The following AKT3 variants were observed in gnomAD, a reference collection of about 807,000 sequenced individuals.
AKT3 encodes RAC-gamma serine/threonine-protein kinase.
AKT3 carries 15 observed loss-of-function variants against 65.3 expected under a neutral mutation model. That is an observed-to-expected ratio of 0.23 (90% CI 0.15 to 0.35). The LOEUF is 0.35. Ranked by LOEUF, AKT3 falls within the 10% of genes least tolerant of loss-of-function variation. The pLI is 1.00. For synonymous variants in AKT3, 206 were observed against 183.8 expected (o/e 1.12, Z -0.98); for missense variants, 243 against 576.5 (o/e 0.42, Z 5.92).
chr1:243,783,939 T>C (rs1691079773), intron 2 of AKT3, among the ~76,000 whole-genome samples: 1 of 152,186 alleles, frequency 6.6e-6, no homozygotes, highest in Non-Finnish European at 1.5e-5. Context: ...AAAATACCTG[T>C]TGAATGCTAA....
At chr1:243,706,758 G>A (rs769520888) in intron 2 of AKT3, among the ~76,000 whole-genome samples, 6 of 152,152 alleles carry the variant, frequency 3.9e-5, no homozygotes, top group African/African-American at 1.4e-4. Context: ...CCTCAGCCAG[G>A]CACTGTGCTC....
chr1:243,550,472 A>T (rs577624468), intron 11 of AKT3, among the ~76,000 whole-genome samples: 4 of 151,224 alleles, frequency 2.6e-5, no homozygotes, highest in Non-Finnish European at 5.9e-5. Flanking sequence ...GCTGACAAAT[A>T]AAAAAAAATG....
At chr1:243,547,795 C>T (rs545631727) in intron 11 of AKT3, among the ~76,000 whole-genome samples, 16 of 152,146 alleles carry the variant, frequency 1.1e-4, no homozygotes, top group Non-Finnish European at 2.1e-4. Context: ...TCAACTGATA[C>T]CTGAATATCT....
rs1693251592 is a variant in AKT3 at position 243,812,820 on chromosome 1, C to T, written c.46+30305G>A. The stretch of plus-strand genomic sequence containing the variant: ...ATTAAGAAAATGTGGCATATATATA[C>T]CATGGAATACTATGCAGCCATAAAA... On this transcript the variant is annotated intron_variant, in intron 2 of 13. Transcript: ENST00000673466. 3.3e-5 allele frequency among the ~76,000 whole-genome samples: 5 copies of T among 152,108 alleles called. No individual in the cohort carries two copies. In the South Asian group the frequency reaches 8.3e-4, roughly 25 times the overall value.
chr1:243,535,190 T>A (rs1428890607), intron 12 of AKT3, among the ~76,000 whole-genome samples: 1 of 149,514 alleles, frequency 6.7e-6, no homozygotes, highest in Non-Finnish European at 1.5e-5. Flanking sequence ...AAAATAATTT[T>A]AAAATATATT....
intron 8 of AKT3, among the ~76,000 whole-genome samples, chr1:243,585,153 A>G (rs2148536070): frequency 6.6e-6 from 1 of 152,214 alleles, no homozygotes; most frequent in East Asian, 1.9e-4. Flanking sequence ...CACACACAAA[A>G]AAATCCAGGA....
chr1:243,649,418 CACAT>C (rs1175626725), intron 4 of AKT3, among the ~76,000 whole-genome samples: 2 of 151,196 alleles, frequency 1.3e-5, no homozygotes, highest in Admixed American at 6.6e-5. Context: ...TACACATACA[CACAT>C]ACATACACAC....
At chr1:243,665,259 T>C (rs1682685654) in intron 3 of AKT3, among the ~76,000 whole-genome samples, 1 of 152,194 alleles carries the variant, frequency 6.6e-6, no homozygotes, top group African/African-American at 2.4e-5. Flanking sequence ...TCAAATATTA[T>C]TCCTTCCATG....
chr1:243,514,937 T>C (rs1670253848), intron 12 of AKT3, among the ~76,000 whole-genome samples: 1 of 152,240 alleles, frequency 6.6e-6, no homozygotes, highest in African/African-American at 2.4e-5. Context: ...TCAAATGTCT[T>C]CTTGTGCCCA....
intron 2 of AKT3, among the ~76,000 whole-genome samples, chr1:243,804,863 C>G (rs897285009): frequency 6.0e-5 from 9 of 150,788 alleles, no homozygotes; most frequent in Admixed American, 4.0e-4. Flanking sequence ...AAAAAACAAA[C>G]AAAAAAGAAT....
At chr1:243,596,269 G>A (rs1240512512) in intron 8 of AKT3, among the ~76,000 whole-genome samples, 1 of 152,106 alleles carries the variant, frequency 6.6e-6, no homozygotes, top group Non-Finnish European at 1.5e-5. Flanking sequence ...AATTAAAAAC[G>A]TCTGTTCCTC....
At chr1:243,667,098 T>A (rs1273677593) in intron 3 of AKT3, among the ~76,000 whole-genome samples, 1 of 152,036 alleles carries the variant, frequency 6.6e-6, no homozygotes, top group African/African-American at 2.4e-5. Context: ...CTCCATTGAG[T>A]GTGTACTGCT....
At chr1:243,538,964 C>T (rs7523198) in intron 12 of AKT3, among the ~76,000 whole-genome samples, 126,597 of 152,126 alleles carry the variant, frequency 0.83, 52,833 homozygotes, top group Non-Finnish European at 0.86. Context: ...AGTCCACGAT[C>T]ATAGTTGACG....
At chr1:243,809,284 C>T (rs948957284) in intron 2 of AKT3, among the ~76,000 whole-genome samples, 8 of 152,076 alleles carry the variant, frequency 5.3e-5, no homozygotes, top group African/African-American at 1.2e-4. Context: ...ATTCAGGAAA[C>T]CCATCTCATG....
chr1:243,833,023 G>GAA (rs1694637418), intron 2 of AKT3, among the ~76,000 whole-genome samples: 2 of 152,098 alleles, frequency 1.3e-5, no homozygotes, highest in Admixed American at 1.3e-4. Context: ...ACTTTGGGAG[G>GAA]CTGAGATGGC....
intron 4 of AKT3, among the ~76,000 whole-genome samples, chr1:243,661,476 T>C (rs1408192117): frequency 6.9e-4 from 104 of 150,812 alleles, no homozygotes; most frequent in East Asian, 3.9e-4. Context: ...ATTTAATAAA[T>C]GGTGCTGGGA....
At chr1:243,690,004 T>C (rs1235318212) in intron 3 of AKT3, among the ~76,000 whole-genome samples, 1 of 151,860 alleles carries the variant, frequency 6.6e-6, no homozygotes, top group Non-Finnish European at 1.5e-5. Context: ...TCTTTTAAAA[T>C]TGTGCTTATA....
intron 3 of AKT3, among the ~76,000 whole-genome samples, chr1:243,676,790 CT>C (rs1349235716): frequency 1.3e-5 from 2 of 152,078 alleles, no homozygotes. Flanking sequence ...TGGAATCATC[CT>C]TTTTTTGTCC....
intron 2 of AKT3, among the ~76,000 whole-genome samples, chr1:243,740,250 G>A (rs981481443): frequency 1.3e-5 from 2 of 152,166 alleles, no homozygotes; most frequent in African/African-American, 4.8e-5. Flanking sequence ...GTTCTTTTGA[G>A]TCCACTGGAA....
Sources: allele counts gnomAD v4.1 joint callset (sites outside exome capture counted in the v4.1 genomes callset), GRCh38; gene constraint gnomAD v4.1.1; transcripts MANE v1.5; gene names NCBI Gene and HGNC (gene_info 2026-07-23, HGNC 2026-07-21).